AFAP1L1: variants seen among roughly 807,000 people sequenced by gnomAD.
AFAP1L1 encodes actin filament-associated protein 1-like 1.
Under a neutral mutation model 99.8 loss-of-function variants are expected in AFAP1L1, and 77 were observed. That is an observed-to-expected ratio of 0.77 (90% CI 0.64 to 0.93). The LOEUF is 0.93. AFAP1L1 is among the 40% of genes least tolerant of loss of function. AFAP1L1 has a pLI of 0.00. For synonymous variants in AFAP1L1, 373 were observed against 395.3 expected (o/e 0.94, Z 0.67); for missense variants, 893 against 996.8 (o/e 0.90, Z 1.40).
chr5:149,321,583 G>A (rs1306306236), intron 14 of AFAP1L1, among the ~76,000 whole-genome samples: 1 of 150,778 alleles, frequency 6.6e-6, no homozygotes, highest in African/African-American at 2.4e-5. Context: ...ACAAAAATTA[G>A]CCAGGCACAG....
intron 5 of AFAP1L1, among the ~76,000 whole-genome samples, chr5:149,305,478 A>AT (rs1249184927): frequency 1.3e-5 from 2 of 152,240 alleles, no homozygotes; most frequent in East Asian, 3.9e-4. Flanking sequence ...TTAAATAGTC[A>AT]TTTTTTAATG....
intron 1 of AFAP1L1, 22 bp from the exon 2 acceptor site, chr5:149,299,487 G>A: frequency 6.2e-7 from 1 of 1,613,496 alleles, no homozygotes; most frequent in South Asian, 1.1e-5. Flanking sequence ...CTGTGACTGT[G>A]CCCGTCTGCC....
intron 4 of AFAP1L1, among the ~76,000 whole-genome samples, chr5:149,301,586 T>A (rs1756214904): frequency 6.6e-6 from 1 of 152,166 alleles, no homozygotes; most frequent in South Asian, 2.1e-4. Flanking sequence ...AGCCAGGCTA[T>A]GGAAAAAGCT....
intron 1 of AFAP1L1, 54 bp downstream of exon 1, chr5:149,272,038 A>G (rs1755128195): frequency 1.6e-6 from 2 of 1,232,270 alleles, no homozygotes; most frequent in African/African-American, 3.1e-5. Context: ...GGAAAGGGAG[A>G]CTGGACGATC....
chr5:149,339,413 C>T (rs980320514), intron 18 of AFAP1L1, among the ~76,000 whole-genome samples: 1 of 152,024 alleles, frequency 6.6e-6, no homozygotes, highest in Non-Finnish European at 1.5e-5. Context: ...AGGTTGGTCT[C>T]GAACTCCTGA....
intron 1 of AFAP1L1, among the ~76,000 whole-genome samples, chr5:149,295,742 G>A (rs984989122): frequency 3.3e-5 from 5 of 152,218 alleles, no homozygotes; most frequent in Non-Finnish European, 7.4e-5. Flanking sequence ...AAGTTTTAAA[G>A]TGTAGCTAGG....
At chr5:149,299,815 C>T (rs922261919) in intron 2 of AFAP1L1, among the ~76,000 whole-genome samples, 178 bp downstream of exon 2, 5 of 152,140 alleles carry the variant, frequency 3.3e-5, no homozygotes, top group East Asian at 1.9e-4. Context: ...AGCTCTTGCC[C>T]AATGTCCTTG....
Position 149,327,029 on chromosome 5 carries a change from T to C in AFAP1L1, c.1811-2637T>C, listed in dbSNP as rs187616551. On this transcript the variant is annotated intron_variant, in intron 15 of 18. Transcript: ENST00000296721. The stretch of plus-strand genomic sequence containing the variant: ...ACAATATATTCTCGAAAATGACCAG[T>C]TTTCAACAAAAATTTATGACACACA... 1.5e-3 allele frequency among the ~76,000 whole-genome samples: 224 copies of C among 152,088 alleles called. 1 individual carries two copies. Among genetic ancestry groups the C allele is most frequent in the Non-Finnish European group, 3.1e-4 (21 of 67,992 alleles).
intron 1 of AFAP1L1, 147 bp from the exon 2 acceptor site, chr5:149,299,362 G>T: frequency 9.4e-7 from 1 of 1,065,850 alleles, no homozygotes; most frequent in Non-Finnish European, 1.3e-6. Flanking sequence ...GCAGGTCTGG[G>T]ACAGCTGAGA....
In AFAP1L1 at chr5:149,273,196, G is replaced by A. The variant is rs531899537; in HGVS notation, c.16+1212G>A. ...GTGACGGCACTAGATAAACTAGTGA[G>A]TGCTGTGCCAACAGGCGAAGTGTTG... On this transcript the variant is annotated intron_variant, in intron 1 of 18. Coordinates refer to ENST00000296721, the MANE Select transcript of AFAP1L1 (RefSeq NM_152406.4). 4.7e-5 allele frequency among the ~76,000 whole-genome samples: 7 copies of A among 149,678 alleles called. No individual in the cohort carries two copies. In the South Asian group the frequency reaches 1.3e-3, roughly 28 times the overall value.
At chr5:149,298,972 A>G (rs1756100326) in intron 1 of AFAP1L1, among the ~76,000 whole-genome samples, 1 of 152,246 alleles carries the variant, frequency 6.6e-6, no homozygotes, top group Non-Finnish European at 1.5e-5. Context: ...CACTGATAAC[A>G]TGGAGTGAGG....
chr5:149,317,850 G>T lies in AFAP1L1; in HGVS notation c.1389G>T (p.Leu463=), dbSNP rs1402138876. Residue 463 remains leucine (L), a synonymous_variant, in exon 12 of 19, where the codon CTG becomes CTT. Transcript: ENST00000296721. ...GAACCCATGTGAACGCCATCGCCCTGCAAGGCTGTGAGGTGGCCCCGGGCT... is the reference window on the plus strand; with the variant it reads ...GAACCCATGTGAACGCCATCGCCCTTCAAGGCTGTGAGGTGGCCCCGGGCT... ...DLRTHVNAIA[L]QGCEVAPGFG... The T allele has an allele frequency of 2.5e-6, 4 of 1,609,222 alleles. No individual in the cohort carries two copies. The highest frequency in any genetic ancestry group is 2.5e-6 in the Non-Finnish European group (3 of 1,177,886).
rs202121505 is a variant in AFAP1L1 at position 149,312,163 on chromosome 5, C to T, written c.979C>T (p.Pro327Ser). ...PVGGAEGVEV[P>S]RSPVLLCKLD... ...TGGGGGAGCTGAGGGAGTGGAGGTC[C>T]CCAGATCCCCAGTCCTCCTGTGCAA... Residue 327 changes from proline (P) to serine (S), a missense_variant, in exon 9 of 19, where the codon CCC (proline) becomes TCC (serine). Pro to Ser is a moderately conservative substitution (Grantham distance 74). Transcript: ENST00000296721. The T allele has an allele frequency of 8.4e-5, 136 of 1,614,008 alleles. 1 individual carries two copies. The highest frequency in any genetic ancestry group is 9.9e-5 in the Non-Finnish European group (117 of 1,180,036).
At chr5:149,313,831 T>C (rs920918045) in intron 9 of AFAP1L1, among the ~76,000 whole-genome samples, 1 of 152,204 alleles carries the variant, frequency 6.6e-6, no homozygotes, top group African/African-American at 2.4e-5. Context: ...GAAGTGACAT[T>C]TCAGATGAAG....
At chr5:149,289,956 G>A (rs752197488) in intron 1 of AFAP1L1, among the ~76,000 whole-genome samples, 6 of 152,186 alleles carry the variant, frequency 3.9e-5, no homozygotes, top group African/African-American at 1.4e-4. Context: ...TTTATGGGCC[G>A]GGTGCGGTGG....
chr5:149,316,064 G>A, intron 10 of AFAP1L1, 87 bp from the exon 11 acceptor site: 5 of 1,586,186 alleles, frequency 3.2e-6, no homozygotes, highest in South Asian at 1.1e-5. Flanking sequence ...GGCCCATCCT[G>A]TATGCAGGCT....
At chr5:149,272,374 G>A (rs1755150037) in intron 1 of AFAP1L1, among the ~76,000 whole-genome samples, 2 of 152,212 alleles carry the variant, frequency 1.3e-5, no homozygotes, top group Non-Finnish European at 2.9e-5. Flanking sequence ...CAGCCCCTAG[G>A]GAGAAGCTCT....
At chr5:149,317,249 C>T (rs1254521221) in intron 11 of AFAP1L1, among the ~76,000 whole-genome samples, 1 of 152,102 alleles carries the variant, frequency 6.6e-6, no homozygotes, top group Non-Finnish European at 1.5e-5. Context: ...TAAAAATAGG[C>T]AAATTTAAAT....
intron 17 of AFAP1L1, among the ~76,000 whole-genome samples, chr5:149,334,546 C>G (rs970212520): frequency 6.6e-6 from 1 of 152,118 alleles, no homozygotes; most frequent in Non-Finnish European, 1.5e-5. Context: ...TAATACTAAG[C>G]AATTATCTGG....
Sources: allele counts gnomAD v4.1 joint callset (sites outside exome capture counted in the v4.1 genomes callset), GRCh38; gene constraint gnomAD v4.1.1; transcripts MANE v1.5; gene names NCBI Gene and HGNC (gene_info 2026-07-23, HGNC 2026-07-21).